Variants in BDP1 observed in about 807,000 individuals in gnomAD.
BDP1 encodes the protein transcription factor TFIIIB component B'' homolog.
In BDP1, 169 loss-of-function variants were observed where a neutral mutation model predicts 266.6. That is an observed-to-expected ratio of 0.63 (90% CI 0.56 to 0.72). The LOEUF (loss-of-function observed/expected upper bound fraction) is 0.72. Among genes scored for constraint, BDP1 ranks in the 30% least tolerant of loss-of-function variants. BDP1 has a pLI of 0.00. For synonymous variants in BDP1, 1,090 were observed against 1,022.4 expected, an observed-to-expected ratio of 1.07 and a Z score of -1.26; for missense variants, 3,015 against 3,053.8, an observed-to-expected ratio of 0.99 and a Z score of 0.30.
At chr5:71,490,852 G>A (rs2150411466) in intron 10 of BDP1, 132 bp from the exon 11 acceptor site, 2 of 836,210 alleles carry the variant, frequency 2.4e-6, no homozygotes, top group East Asian at 2.9e-5. Context: ...TAAGATGTGT[G>A]CCTTGCAAAT....
chr5:71,548,070 C>T (rs555238673), intron 32 of BDP1, among the ~76,000 whole-genome samples: 8 of 152,088 alleles, frequency 5.3e-5, no homozygotes, highest in South Asian at 2.1e-4. Flanking sequence ...ATCACTTGAG[C>T]CCAGGAGTTT....
At chr5:71,512,152 G>A in intron 17 of BDP1, 89 bp from the exon 18 acceptor site, 1 of 625,180 alleles carries the variant, frequency 1.6e-6, no homozygotes, top group Non-Finnish European at 2.5e-6. Flanking sequence ...AAAGGAAAGT[G>A]TTTAGAATTT....
chr5:71,555,226 A>G (rs1297807007), intron 35 of BDP1, among the ~76,000 whole-genome samples: 2 of 152,234 alleles, frequency 1.3e-5, no homozygotes, highest in Admixed American at 6.5e-5. Flanking sequence ...TGTAAGGAAT[A>G]GGGCCAAGTT....
Position 71,497,396 on chromosome 5 carries a change from G to A in BDP1, c.1926G>A (p.Lys642=), listed in dbSNP as rs780156917. 9.9e-6 allele frequency: 16 copies of A among 1,613,188 alleles called. No individual in the cohort carries two copies. In the Admixed American group the frequency reaches 2.5e-4, roughly 25 times the overall value. Reference sequence around the variant, plus strand: ...AAGGCAAAACAGAGTCAGAGAGCAAGAATTCACATTCAAAAACTTCAGTTG... The same window carrying A: ...AAGGCAAAACAGAGTCAGAGAGCAAAAATTCACATTCAAAAACTTCAGTTG... ...LSQGKTESES[K]NSHSKTSVEK... Residue 642 remains lysine (K), a synonymous_variant, in exon 13 of 39, where the codon AAG becomes AAA. Coordinates refer to ENST00000358731, the MANE Select transcript of BDP1 (RefSeq NM_018429.3).
Position 71,504,663 on chromosome 5 carries a change from G to A in BDP1, c.2284G>A (p.Glu762Lys). The A allele has an allele frequency of 6.2e-7, 1 of 1,613,648 alleles. No homozygotes were observed. The highest frequency in any genetic ancestry group is 1.1e-5 in the South Asian group (1 of 91,024). Residue 762 changes from glutamate (E) to lysine (K), a missense_variant, in exon 16 of 39, where the codon GAG becomes AAG. Coordinates refer to ENST00000358731, the MANE Select transcript of BDP1 (RefSeq NM_018429.3). ...MEDQSRKDFE[E>K]EDVILQPEKN... is the part of the protein sequence containing the mutation. Reference sequence around the variant, plus strand: ...AGATCAATCGCGTAAAGATTTTGAAGAGGAAGATGTCATATTACAGCCTGA... The same window carrying A: ...AGATCAATCGCGTAAAGATTTTGAAAAGGAAGATGTCATATTACAGCCTGA...
chr5:71,470,877 C>T (rs536480397), intron 7 of BDP1, among the ~76,000 whole-genome samples: 2 of 151,102 alleles, frequency 1.3e-5, no homozygotes, highest in Non-Finnish European at 2.9e-5. Context: ...AGGCTAGAGC[C>T]ACCGTGCCCA....
chr5:71,502,192 T>C (rs1430486288), intron 14 of BDP1, among the ~76,000 whole-genome samples: 2 of 149,156 alleles, frequency 1.3e-5, no homozygotes, highest in Admixed American at 6.7e-5. Flanking sequence ...TCTCTCTCTT[T>C]TTTTTTTTTT....
intron 13 of BDP1, among the ~76,000 whole-genome samples, chr5:71,499,627 T>A (rs912952561): frequency 2.0e-5 from 3 of 151,934 alleles, no homozygotes; most frequent in Admixed American, 6.6e-5. Flanking sequence ...CTCAAAAAAA[T>A]AAAAAATTAA....
Position 71,559,703 on chromosome 5 carries a change from C to G in BDP1, c.7241-279C>G, listed in dbSNP as rs567741955. 3.9e-5 allele frequency among the ~76,000 whole-genome samples: 6 copies of G among 152,108 alleles called. No homozygotes were observed. The South Asian group carries it at 1.2e-3, about 32-fold the overall frequency. ...GCTTTTTTAGAAAGTAATCACTCTC[C>G]CATTTTGATTGCTCAGGAAATATTT... On this transcript the variant is annotated intron_variant, in intron 36 of 38. Transcript: ENST00000358731.
intron 34 of BDP1, among the ~76,000 whole-genome samples, chr5:71,552,715 C>T (rs938428229): frequency 1.3e-5 from 2 of 152,252 alleles, no homozygotes; most frequent in Admixed American, 6.5e-5. Flanking sequence ...AGGCACTCGG[C>T]AGGCTGAGGC....
chr5:71,457,087 C>T (rs562707396), intron 1 of BDP1, among the ~76,000 whole-genome samples: 7 of 151,918 alleles, frequency 4.6e-5, no homozygotes, highest in South Asian at 2.1e-4. Flanking sequence ...AAGGAGATAC[C>T]GATACTAGTC....
At chr5:71,504,800 T>G (rs779376257) in intron 16 of BDP1, 49 bp downstream of exon 16, 1 of 1,585,226 alleles carries the variant, frequency 6.3e-7, no homozygotes, top group South Asian at 1.1e-5. Context: ...GTAAAAAGTT[T>G]TAGAACTCAA....
intron 18 of BDP1, among the ~76,000 whole-genome samples, chr5:71,512,824 G>T (rs1481319895): frequency 9.9e-5 from 15 of 152,050 alleles, no homozygotes. Flanking sequence ...GGAGGCTGAG[G>T]TGGGTGGATC....
At position 71,564,976 on chromosome 5, in the gene BDP1, C is replaced by A; in HGVS notation, c.*91C>A. On this transcript the variant is annotated 3_prime_UTR_variant, in exon 39 of 39. Coordinates refer to ENST00000358731, the MANE Select transcript of BDP1 (RefSeq NM_018429.3). ...AAACAGTATTTAGAGCAAAATATCA[C>A]TGTCTTATTTTTCTTTAGGTTGATT... 8.4e-7 allele frequency: 1 copy of A among 1,195,778 alleles called. No individual in the cohort carries two copies. The highest frequency in any genetic ancestry group is 1.2e-6 in the Non-Finnish European group (1 of 858,400). The allele number at this position is 1,195,778 out of a possible 1,614,324, so 74.1% of individuals were successfully genotyped here.
intron 26 of BDP1, among the ~76,000 whole-genome samples, chr5:71,536,821 ACT>A (rs763750412): frequency 2.0e-5 from 3 of 151,924 alleles, no homozygotes; most frequent in Non-Finnish European, 4.4e-5. Context: ...TCAGAGCAAG[ACT>A]CTGTCTCAAA....
Position 71,502,783 on chromosome 5 carries a change from G to T in BDP1, c.2233G>T (p.Asp745Tyr). The change falls in exon 15 of 39, where the codon GAT (aspartate) becomes TAT (tyrosine). Residue 745 changes from aspartate to tyrosine, a missense_variant. Asp to Tyr is a radical substitution (Grantham distance 160, BLOSUM62 -3). Transcript: ENST00000358731. ...GAAGAATGAAAATGAATCCTGTGCT[G>T]ATAGAGATGTAAGTACTCTGATTCC... is the stretch of plus-strand genomic sequence containing the variant. ...VEKNENESCA[D>Y]RDTPQHMEDQ... 6.2e-7 allele frequency: 1 copy of T among 1,612,436 alleles called. No homozygotes were observed. Among genetic ancestry groups the T allele is most frequent in the Non-Finnish European group, 8.5e-7 (1 of 1,179,414 alleles).
intron 25 of BDP1, among the ~76,000 whole-genome samples, chr5:71,526,923 C>T (rs1167637821): frequency 1.3e-5 from 2 of 151,986 alleles, no homozygotes; most frequent in Admixed American, 6.5e-5. Context: ...TGACCTCAAG[C>T]AATCCACCTG....
chr5:71,504,356 C>T (rs1764446654), intron 15 of BDP1, among the ~76,000 whole-genome samples: 1 of 151,664 alleles, frequency 6.6e-6, no homozygotes, highest in South Asian at 2.1e-4. Flanking sequence ...ATAGACCCCA[C>T]AGGGGTATTT....
At chr5:71,507,707 G>GCATTA (rs1561722973) in intron 16 of BDP1, among the ~76,000 whole-genome samples, 7 of 152,106 alleles carry the variant, frequency 4.6e-5, no homozygotes, top group African/African-American at 1.7e-4. Context: ...AATGGAATGC[G>GCATTA]GTCCATTCAG....
Sources: gnomAD v4.1 joint callset for allele counts (sites outside exome capture counted in the v4.1 genomes callset) on GRCh38, gnomAD v4.1.1 for gene constraint, MANE v1.5 for transcripts, NCBI Gene and HGNC (gene_info 2026-07-23, HGNC 2026-07-21) for gene names.